Variants in ME3 observed in about 807,000 individuals in gnomAD.
The protein encoded by ME3 is NADP-dependent malic enzyme, mitochondrial.
In ME3, 48 loss-of-function variants were observed where a neutral mutation model predicts 68.9. That is an observed-to-expected ratio of 0.70 (90% CI 0.55 to 0.89). The LOEUF (loss-of-function observed/expected upper bound fraction) is 0.89. Ranked by LOEUF, ME3 falls within the 40% of genes least tolerant of loss-of-function variation. ME3 has a pLI of 0.00. For synonymous variants in ME3, 320 were observed against 318.8 expected, an observed-to-expected ratio of 1.00 and a Z score of -0.04; for missense variants, 675 against 797.4, an observed-to-expected ratio of 0.85 and a Z score of 1.85.
chr11:86,619,631 C>T (rs1470737000), intron 2 of ME3, among the ~76,000 whole-genome samples: 1 of 152,208 alleles, frequency 6.6e-6, no homozygotes, highest in East Asian at 1.9e-4. Flanking sequence ...CTCATTCTTT[C>T]TTGTCCTCTG....
intron 5 of ME3, among the ~76,000 whole-genome samples, chr11:86,504,643 C>T (rs1315870034): frequency 6.6e-6 from 1 of 151,824 alleles, no homozygotes; most frequent in Non-Finnish European, 1.5e-5. Flanking sequence ...ATCTGCCCAC[C>T]TCGGCCTCCC....
At chr11:86,490,357 T>C (rs895764532) in intron 6 of ME3, among the ~76,000 whole-genome samples, 2 of 152,024 alleles carry the variant, frequency 1.3e-5, no homozygotes, top group African/African-American at 4.8e-5. Flanking sequence ...TCTTCACTGA[T>C]AGGGGTGTGT....
At chr11:86,497,972 G>C in exon 6 of ME3, 1 of 1,600,754 alleles carries the variant, frequency 6.2e-7, no homozygotes, top group South Asian at 1.1e-5. Context: ...CCTCATTGTT[G>C]GTGCCGACGT....
chr11:86,658,182 G>C (rs1284993379), intron 2 of ME3, among the ~76,000 whole-genome samples: 1 of 151,696 alleles, frequency 6.6e-6, no homozygotes, highest in Non-Finnish European at 1.5e-5. Flanking sequence ...TGGAGTGCAG[G>C]GCGCGATCTT....
intron 2 of ME3, among the ~76,000 whole-genome samples, chr11:86,664,319 T>G (rs974938407): frequency 1.3e-5 from 2 of 152,234 alleles, no homozygotes; most frequent in Non-Finnish European, 2.9e-5. Context: ...ACAATAACAT[T>G]CATGAGTATA....
intron 2 of ME3, among the ~76,000 whole-genome samples, chr11:86,615,890 A>G (rs1193965468): frequency 6.6e-6 from 1 of 152,222 alleles, no homozygotes; most frequent in Non-Finnish European, 1.5e-5. Context: ...TACTTCTTTG[A>G]AAAGATTAAA....
chr11:86,451,794 A>G (rs534312797), intron 8 of ME3, among the ~76,000 whole-genome samples: 45 of 152,336 alleles, frequency 3.0e-4, no homozygotes, highest in African/African-American at 1.1e-3. Flanking sequence ...CCATCCAGAT[A>G]TATTACAGAC....
chr11:86,474,552 G>A (rs879390886), intron 7 of ME3, among the ~76,000 whole-genome samples: 1 of 152,124 alleles, frequency 6.6e-6, no homozygotes, highest in Non-Finnish European at 1.5e-5. Flanking sequence ...AAGCTTTCTT[G>A]GCCACCAACC....
chr11:86,519,259 AATTACATCACT>A (rs1954097063), intron 4 of ME3, among the ~76,000 whole-genome samples: 1 of 152,218 alleles, frequency 6.6e-6, no homozygotes, highest in Non-Finnish European at 1.5e-5. Context: ...AAGGCATGCA[AATTACATCACT>A]ATCTTCAGTT....
chr11:86,640,008 C>A (rs1340970488), intron 2 of ME3, among the ~76,000 whole-genome samples: 2 of 152,128 alleles, frequency 1.3e-5, no homozygotes, highest in East Asian at 1.9e-4. Flanking sequence ...GGAGGTGAGA[C>A]CAGAATTCAC....
intron 2 of ME3, among the ~76,000 whole-genome samples, chr11:86,594,333 C>T (rs896224980): frequency 6.9e-6 from 1 of 145,814 alleles, no homozygotes; most frequent in Non-Finnish European, 1.5e-5. Flanking sequence ...TGCTCTCTAC[C>T]TCCATATATT....
At chr11:86,645,831 G>A (rs1944974707) in intron 2 of ME3, among the ~76,000 whole-genome samples, 2 of 152,178 alleles carry the variant, frequency 1.3e-5, no homozygotes, top group Admixed American at 6.5e-5. Context: ...GTGCCCCTCT[G>A]GGATGAAGCT....
At chr11:86,595,954 G>C (rs1036501703) in intron 2 of ME3, among the ~76,000 whole-genome samples, 1 of 152,172 alleles carries the variant, frequency 6.6e-6, no homozygotes, top group African/African-American at 2.4e-5. Context: ...TTACCTTCTG[G>C]GTTCAGATGC....
At chr11:86,498,397 A>G (rs1952505921) in intron 5 of ME3, among the ~76,000 whole-genome samples, 1 of 152,194 alleles carries the variant, frequency 6.6e-6, no homozygotes, top group Non-Finnish European at 1.5e-5. Flanking sequence ...AAACAGCTGG[A>G]GGGAAACCAC....
At chr11:86,617,931 G>A (rs1399367231) in intron 2 of ME3, among the ~76,000 whole-genome samples, 1 of 152,116 alleles carries the variant, frequency 6.6e-6, no homozygotes, top group Non-Finnish European at 1.5e-5. Context: ...TTAAACTGCA[G>A]TCAAAGACTA....
At chr11:86,486,835 G>A (rs948124006) in intron 7 of ME3, among the ~76,000 whole-genome samples, 2 of 152,232 alleles carry the variant, frequency 1.3e-5, no homozygotes, top group Non-Finnish European at 2.9e-5. Context: ...AGCTTCCCCA[G>A]TGAAGAGATG....
At chr11:86,653,381 T>C (rs1167068242) in intron 2 of ME3, among the ~76,000 whole-genome samples, 11 of 152,086 alleles carry the variant, frequency 7.2e-5, no homozygotes, top group Non-Finnish European at 2.9e-5. Flanking sequence ...AGACAAAAAA[T>C]TATAACAAAC....
chr11:86,527,159 G>A (rs1357257447), intron 4 of ME3, among the ~76,000 whole-genome samples: 2 of 152,174 alleles, frequency 1.3e-5, no homozygotes, highest in East Asian at 3.9e-4. Flanking sequence ...CCAATGCAGA[G>A]AAATCCTTAA....
At chr11:86,669,137 T>G (rs1309001858) in intron 2 of ME3, among the ~76,000 whole-genome samples, 3 of 151,964 alleles carry the variant, frequency 2.0e-5, no homozygotes, top group African/African-American at 7.3e-5. Context: ...GGCACTCCAG[T>G]GGGAAGAGAA....
Sources: gnomAD v4.1 joint callset for allele counts (sites outside exome capture counted in the v4.1 genomes callset) on GRCh38, gnomAD v4.1.1 for gene constraint, MANE v1.5 for transcripts, NCBI Gene and HGNC (gene_info 2026-07-23, HGNC 2026-07-21) for gene names.